The following ENPP3 variants were observed in gnomAD, a reference collection of about 807,000 sequenced individuals.
ENPP3 encodes the protein ectonucleotide pyrophosphatase/phosphodiesterase family member 3.
ENPP3 carries 104 observed loss-of-function variants against 117.8 expected under a neutral mutation model. The ratio of observed to expected loss-of-function variants is 0.88; its 90% CI spans 0.75 to 1.04. The LOEUF (loss-of-function observed/expected upper bound fraction) is 1.04, where lower values mean the gene tolerates loss of function less well. Among genes scored for constraint, ENPP3 ranks in the 50% least tolerant of loss-of-function variants. The probability of loss-of-function intolerance (pLI) is 0.00; values close to 1 mark genes in which losing one functional copy is unlikely to be tolerated. For missense variants in ENPP3, 1,026 were observed against 1,051.9 expected (o/e 0.98, Z 0.34); for synonymous variants, 380 against 349.9 (o/e 1.09, Z -0.96).
At chr6:131,677,793 C>G (rs564977337) in intron 10 of ENPP3, 75 bp from the exon 11 acceptor site, 2 of 977,718 alleles carry the variant, frequency 2.0e-6, no homozygotes, top group Non-Finnish European at 3.2e-6. Context: ...AGCCCAAGAT[C>G]TACAAAATCC....
rs755146638 is a variant in ENPP3 at position 131,733,596 on chromosome 6, A to G, written c.1962A>G (p.Thr654=). The change falls in exon 21 of 25, where the codon ACA becomes ACG. Residue 654 remains threonine (T), a synonymous_variant. Transcript: ENST00000357639. The part of the protein sequence containing the change: ...SSYTVPQLGD[T]SPLPPTVPDC... ...TCTCTCTCTTTGAACAGGGAGACAC[A>G]TCGCCTCTGCCTCCCACTGTCCCAG... 6.2e-6 allele frequency: 10 copies of G among 1,612,738 alleles called. No homozygotes were observed. Among genetic ancestry groups the G allele is most frequent in the East Asian group, 4.5e-5 (2 of 44,882 alleles).
chr6:131,713,741 C>G (rs1328599080), intron 15 of ENPP3, among the ~76,000 whole-genome samples: 5 of 152,070 alleles, frequency 3.3e-5, no homozygotes, highest in Admixed American at 3.3e-4. Flanking sequence ...ATAAACCCAT[C>G]ATAAGTTGGT....
At chr6:131,669,954 A>G (rs907547077) in intron 6 of ENPP3, among the ~76,000 whole-genome samples, 1 of 152,198 alleles carries the variant, frequency 6.6e-6, no homozygotes, top group Non-Finnish European at 1.5e-5. Context: ...GTGAAGCTTT[A>G]TTTTAGAAGT....
In ENPP3 at chr6:131,737,150, C is replaced by T. The variant is rs571623840; in HGVS notation, c.2090-205C>T. 3.9e-5 allele frequency among the ~76,000 whole-genome samples: 6 copies of T among 152,326 alleles called. No individual in the cohort carries two copies. The East Asian group carries it at 1.2e-3, about 29-fold the overall frequency. The stretch of plus-strand genomic sequence containing the variant: ...ACAGGGATGAAAGGAATGGTTAGGA[C>T]TTGGATGTATCTTTTTTGGATCACA... On this transcript the variant is annotated intron_variant, in intron 21 of 24. Transcript: ENST00000357639.
chr6:131,654,937 C>A (rs1306364166), intron 5 of ENPP3, among the ~76,000 whole-genome samples: 1 of 152,138 alleles, frequency 6.6e-6, no homozygotes, highest in Non-Finnish European at 1.5e-5. Context: ...GTCTTTTGCG[C>A]TAGTCACTTC....
Position 131,747,044 on chromosome 6 carries a change from A to G in ENPP3, c.*88A>G. 1 of 681,564 alleles carries G rather than the reference A, an allele frequency of 1.5e-6. No individual in the cohort carries two copies. Among genetic ancestry groups the G allele is most frequent in the East Asian group, 3.3e-5 (1 of 30,740 alleles). The allele number at this position is 681,564 out of a possible 1,614,324, so 42.2% of individuals were successfully genotyped here. A position where few individuals can be genotyped will look rare whatever the true frequency, so the allele number is the denominator to read the frequency against. On this transcript the variant is annotated 3_prime_UTR_variant, in exon 25 of 25. Coordinates refer to ENST00000357639, the MANE Select transcript of ENPP3 (RefSeq NM_005021.5). ...ATTTTTTTCTGGAGAATTGTAAAATAAAGTTTTCTATTTTTCCTTAAGTCC... is the reference window on the plus strand; with the variant it reads ...ATTTTTTTCTGGAGAATTGTAAAATGAAGTTTTCTATTTTTCCTTAAGTCC...
At chr6:131,744,080 G>A (rs1348241629) in intron 24 of ENPP3, among the ~76,000 whole-genome samples, 1 of 152,182 alleles carries the variant, frequency 6.6e-6, no homozygotes, top group African/African-American at 2.4e-5. Flanking sequence ...ATGTACAGAA[G>A]TACTCCTACT....
At chr6:131,644,863 G>A (rs1301149761) in intron 2 of ENPP3, among the ~76,000 whole-genome samples, 1 of 152,212 alleles carries the variant, frequency 6.6e-6, no homozygotes, top group African/African-American at 2.4e-5. Flanking sequence ...AGCCAGGAAT[G>A]TGAGAGGAAA....
intron 6 of ENPP3, among the ~76,000 whole-genome samples, chr6:131,663,428 T>C (rs1302804450): frequency 6.6e-6 from 1 of 150,630 alleles, no homozygotes; most frequent in Non-Finnish European, 1.5e-5. Flanking sequence ...TGCTTATATC[T>C]GCAATCCTAG....
intron 11 of ENPP3, among the ~76,000 whole-genome samples, chr6:131,681,428 G>T (rs1779021365): frequency 6.6e-6 from 1 of 151,944 alleles, no homozygotes; most frequent in East Asian, 1.9e-4. Flanking sequence ...AAAAGAAGAG[G>T]CAATCATTGT....
At chr6:131,668,916 G>A (rs1778680561) in intron 6 of ENPP3, among the ~76,000 whole-genome samples, 1 of 152,184 alleles carries the variant, frequency 6.6e-6, no homozygotes, top group African/African-American at 2.4e-5. Flanking sequence ...AGTAGCTGTG[G>A]TTCAAGGGCA....
rs146093159 is a variant in ENPP3 at position 131,719,529 on chromosome 6, G to T, written c.1480-763G>T. On this transcript the variant is annotated intron_variant, in intron 16 of 24. Transcript: ENST00000357639. Reference sequence around the variant, plus strand: ...CATCTTTTTGTAAATATTTGAAAACGATCTCTGGAGAAAGAGCTTTACTAT... The same window carrying T: ...CATCTTTTTGTAAATATTTGAAAACTATCTCTGGAGAAAGAGCTTTACTAT... Among the ~76,000 whole-genome samples, 1,274 of 151,862 alleles carry T rather than the reference G, an allele frequency of 8.4e-3. 12 individuals are homozygous for T. Among genetic ancestry groups the T allele is most frequent in the African/African-American group, 0.029 (1,196 of 41,384 alleles).
At chr6:131,739,983 C>CAT (rs1780492326) in intron 23 of ENPP3, among the ~76,000 whole-genome samples, 2 of 150,584 alleles carry the variant, frequency 1.3e-5, no homozygotes, top group African/African-American at 4.9e-5. Context: ...TAGTGTTTTT[C>CAT]ATATATATAT....
intron 15 of ENPP3, chr6:131,701,465 T>A: frequency 1.5e-6 from 1 of 666,676 alleles, no homozygotes; most frequent in Non-Finnish European, 2.7e-6. Context: ...AAAAACAGAT[T>A]CATTTTAACT....
intron 2 of ENPP3, among the ~76,000 whole-genome samples, 178 bp from the exon 3 acceptor site, chr6:131,649,849 C>A (rs1778225268): frequency 6.6e-6 from 1 of 152,182 alleles, no homozygotes. Context: ...AGCCATGGCA[C>A]CTGGCCATAT....
At chr6:131,671,452 C>A (rs1327277095) in intron 7 of ENPP3, 125 bp downstream of exon 7, 5 of 665,862 alleles carry the variant, frequency 7.5e-6, no homozygotes, top group Non-Finnish European at 1.1e-5. Context: ...GGGGATAGTT[C>A]ATGGCTGAAT....
intron 12 of ENPP3, among the ~76,000 whole-genome samples, chr6:131,683,799 G>A (rs1453807050): frequency 6.9e-6 from 1 of 145,030 alleles, no homozygotes; most frequent in Non-Finnish European, 1.5e-5. Context: ...CACCCAGGCT[G>A]GAATGCAGTG....
chr6:131,731,590 G>C (rs1585729675), intron 20 of ENPP3, among the ~76,000 whole-genome samples: 1 of 152,258 alleles, frequency 6.6e-6, no homozygotes, highest in East Asian at 1.9e-4. Flanking sequence ...AAACTCTCCA[G>C]AGAGTAAACA....
chr6:131,728,610 TG>T (rs1201010718), intron 20 of ENPP3, among the ~76,000 whole-genome samples: 1 of 152,156 alleles, frequency 6.6e-6, no homozygotes, highest in Non-Finnish European at 1.5e-5. Flanking sequence ...CATACAAGGA[TG>T]TTTTGGGATT....
Sources: gnomAD v4.1 joint callset for allele counts (sites outside exome capture counted in the v4.1 genomes callset) on GRCh38, gnomAD v4.1.1 for gene constraint, MANE v1.5 for transcripts, NCBI Gene and HGNC (gene_info 2026-07-23, HGNC 2026-07-21) for gene names.